TRMT2A: variants seen among roughly 807,000 people sequenced by gnomAD.
TRMT2A encodes the protein tRNA (uracil-5-)-methyltransferase homolog A.
Under a neutral mutation model 59.3 loss-of-function variants are expected in TRMT2A, and 60 were observed. The ratio of observed to expected loss-of-function variants is 1.01; its 90% CI spans 0.82 to 1.26. The LOEUF (loss-of-function observed/expected upper bound fraction) is 1.26, where lower values mean the gene tolerates loss of function less well. Among genes scored for constraint, TRMT2A ranks in the 50% most tolerant of loss-of-function variants. TRMT2A has a pLI of 0.00. For synonymous variants in TRMT2A, 403 were observed against 353.7 expected, an observed-to-expected ratio of 1.14 and a Z score of -1.56; for missense variants, 863 against 845.2, an observed-to-expected ratio of 1.02 and a Z score of -0.26.
intron 1 of TRMT2A, 27 bp from the exon 2 acceptor site, chr22:20,116,639 G>T: frequency 1.3e-6 from 2 of 1,522,044 alleles, no homozygotes; most frequent in Non-Finnish European, 8.8e-7. Context: ...GGGGTGCTAG[G>T]GTGAGGACTA....
intron 7 of TRMT2A, among the ~76,000 whole-genome samples, chr22:20,114,038 C>T (rs537718964): frequency 1.3e-5 from 2 of 152,340 alleles, no homozygotes; most frequent in East Asian, 3.9e-4. Context: ...TCCTCCTTGC[C>T]CCACTTGGTT....
intron 2 of TRMT2A, 103 bp from the exon 3 acceptor site, chr22:20,115,883 CATT>C: frequency 8.6e-6 from 12 of 1,394,932 alleles, no homozygotes; most frequent in Non-Finnish European, 1.2e-5. Flanking sequence ...TTTGGGATGT[CATT>C]GTGCCCACTG....
In TRMT2A at chr22:20,113,208, C is replaced by T. The variant is rs368918264; in HGVS notation, c.1459G>A (p.Gly487Arg). Residue 487 changes from glycine to arginine, a missense_variant, in exon 10 of 12, where the codon GGG becomes AGG. Coordinates refer to ENST00000252136, the MANE Select transcript of TRMT2A (RefSeq NM_022727.6). ...GTGGGCACCAGGTCCTCGGCCCTCC[C>T]GCAGTGGAACTCCACATTACTCAAC... ...NELSNVEFHC[G>R]RAEDLVPTLV... The T allele has an allele frequency of 1.1e-5, 18 of 1,575,290 alleles. No homozygotes were observed. The highest frequency in any genetic ancestry group is 2.2e-5 in the East Asian group (1 of 44,606).
intron 7 of TRMT2A, 46 bp downstream of exon 7, chr22:20,114,528 G>A: frequency 6.7e-7 from 1 of 1,495,378 alleles, no homozygotes; most frequent in Non-Finnish European, 9.3e-7. Flanking sequence ...TGGTGCGTCA[G>A]GCCTCCCTCA....
chr22:20,112,367 G>T lies in TRMT2A; in HGVS notation c.*196C>A. On this transcript the variant is annotated 3_prime_UTR_variant, in exon 12 of 12. Transcript: ENST00000252136. ...TAGTCCACAAAGGCCCTGGGGATGG[G>T]CAACAGGCTACAGGAACCCACCTGT... 1.5e-6 allele frequency: 1 copy of T among 671,492 alleles called. No homozygotes were observed. The highest frequency in any genetic ancestry group is 2.5e-6 in the Non-Finnish European group (1 of 399,520). 41.6% of individuals were successfully genotyped at this position (671,492 alleles called of 1,614,324 possible).
Position 20,112,104 on chromosome 22 carries a change from C to T in TRMT2A, c.*459G>A. ...AGTGTTCTCCACCCCATGCCCCCAG[C>T]TGGTGCAGTTCCCAGACCTCTCTCT... On this transcript the variant is annotated 3_prime_UTR_variant, in exon 12 of 12. Transcript: ENST00000252136. 6.0e-6 allele frequency: 1 copy of T among 165,692 alleles called. No individual in the cohort carries two copies. The highest frequency in any genetic ancestry group is 6.1e-5 in the Admixed American group (1 of 16,384). 10.3% of individuals were successfully genotyped at this position (165,692 alleles called of 1,614,324 possible).
rs887535053 is a variant in TRMT2A, at chr22:20,116,922, C to T, written c.-16G>A. The T allele has an allele frequency of 1.1e-5, 17 of 1,590,626 alleles. No individual in the cohort carries two copies. The highest frequency in any genetic ancestry group is 1.7e-5 in the Admixed American group (1 of 57,946). ...TCTCACTCATCGCCCAGGCGGTTCT[C>T]CGCCTAGACCAGGGACGCCATGGGG... On this transcript the variant is annotated 5_prime_UTR_variant, in exon 1 of 12. Transcript: ENST00000252136.
Position 20,112,991 on chromosome 22 carries a change from C to T in TRMT2A, c.1566G>A (p.Leu522=), listed in dbSNP as rs765705066. Residue 522 remains leucine, a synonymous_variant, in exon 11 of 12, where the codon CTG becomes CTA. Coordinates refer to ENST00000252136, the MANE Select transcript of TRMT2A (RefSeq NM_022727.6). ...TGAGGTTCTTAGCTCTCCGGATGGC[C>T]AGGATCACCTTGGAATCTGAGGAGG... ...PRAGLHSKVI[L]AIRRAKNLRR... 3.7e-6 allele frequency: 6 copies of T among 1,613,668 alleles called. No individual in the cohort carries two copies. Among genetic ancestry groups the T allele is most frequent in the Admixed American group, 1.7e-5 (1 of 60,012 alleles).
In TRMT2A at chr22:20,112,753, A is replaced by C; in HGVS notation, c.1688T>G (p.Phe563Cys). The C allele has an allele frequency of 6.2e-7, 1 of 1,613,698 alleles. No individual in the cohort carries two copies. Reference sequence around the variant, plus strand: ...CACTGCCACAGCCTTGACCGGCCGGAAGGGAATGCCCTTCACCCGGTTAGA... The same window carrying C: ...CACTGCCACAGCCTTGACCGGCCGGCAGGGAATGCCCTTCACCCGGTTAGA... ...APSNRVKGIP[F>C]RPVKAVAVDL... Residue 563 changes from phenylalanine (F) to cysteine (C), a missense_variant, in exon 12 of 12, where the codon TTC (phenylalanine) becomes TGC (cysteine). By Grantham distance (205) the Phe-to-Cys change is radical (BLOSUM62 -2). Coordinates refer to ENST00000252136, the MANE Select transcript of TRMT2A (RefSeq NM_022727.6).
rs1602524431 is a variant in TRMT2A at position 20,116,534 on chromosome 22, C to T, written c.103G>A (p.Ala35Thr). Residue 35 changes from alanine (A) to threonine (T), a missense_variant, in exon 2 of 12, where the codon GCC becomes ACC. Physicochemically the swap from Ala to Thr is moderately conservative, Grantham distance 58 (BLOSUM62 0). Coordinates refer to ENST00000252136, the MANE Select transcript of TRMT2A (RefSeq NM_022727.6). ...SCPTVSVPPA[A>T]PAALEEVEKE... ...TCCACCTCCTCCAGGGCTGCCGGGG[C>T]TGCAGGGGGCACCGAGACGGTAGGG... 1 of 1,603,234 alleles carries T rather than the reference C, an allele frequency of 6.2e-7. No homozygotes were observed. The highest frequency in any genetic ancestry group is 8.5e-7 in the Non-Finnish European group (1 of 1,176,680).
Position 20,112,421 on chromosome 22 carries a change from C to G in TRMT2A, c.*142G>C, listed in dbSNP as rs979394001. On this transcript the variant is annotated 3_prime_UTR_variant, in exon 12 of 12. Transcript: ENST00000252136. The stretch of plus-strand genomic sequence containing the variant: ...CCTGGTCAGGGCCCCTGGCCCCTAG[C>G]AGCAGGCCAATCCTGGTGGGGCACA... 7.8e-6 allele frequency: 9 copies of G among 1,152,270 alleles called. No homozygotes were observed. Among genetic ancestry groups the G allele is most frequent in the Non-Finnish European group, 1.1e-5 (9 of 830,220 alleles). The allele number at this position is 1,152,270 out of a possible 1,614,324, so 71.4% of individuals were successfully genotyped here.
chr22:20,113,400 T>TACCCCCCCCCC, intron 9 of TRMT2A, 32 bp downstream of exon 9: 2 of 1,049,436 alleles, frequency 1.9e-6, no homozygotes, highest in Non-Finnish European at 2.9e-6. Flanking sequence ...GCTGCCCCCA[T>TACCCCCCCCCC]CCCCACCCCC....
At chr22:20,116,680 T>C (rs2050033489) in intron 1 of TRMT2A, 68 bp from the exon 2 acceptor site, 1 of 1,494,776 alleles carries the variant, frequency 6.7e-7, no homozygotes, top group African/African-American at 1.4e-5. Context: ...CCAAGCTTCC[T>C]TATGGGACAC....
intron 7 of TRMT2A, among the ~76,000 whole-genome samples, 193 bp downstream of exon 7, chr22:20,114,381 G>A (rs1057513591): frequency 2.0e-4 from 30 of 152,224 alleles, no homozygotes; most frequent in South Asian, 8.3e-4. Flanking sequence ...GGCCACTGCC[G>A]TGTGTACCTC....
chr22:20,117,008 G>T lies in TRMT2A; in HGVS notation c.-102C>A. Reference sequence around the variant, plus strand: ...GGAAGTGGCCTGTCACAAGGGAAGTGCTCAGAGGGGAGGTGCTCACAGAGC... The same window carrying T: ...GGAAGTGGCCTGTCACAAGGGAAGTTCTCAGAGGGGAGGTGCTCACAGAGC... On this transcript the variant is annotated 5_prime_UTR_variant, in exon 1 of 12. Coordinates refer to ENST00000252136, the MANE Select transcript of TRMT2A (RefSeq NM_022727.6). 6.9e-7 allele frequency: 1 copy of T among 1,447,732 alleles called. No homozygotes were observed. The highest frequency in any genetic ancestry group is 9.5e-7 in the Non-Finnish European group (1 of 1,057,522). The allele number at this position is 1,447,732 out of a possible 1,614,324, so 89.7% of individuals were successfully genotyped here.
rs1339499471 is a variant in TRMT2A at position 20,112,621 on chromosome 22, G to T, written c.1820C>A (p.Pro607His). ...GGTGTTATCTGGGGGTCCTGGTGTGGGTTGAGCTGGAGGGCTGTGGGGCCC... is the reference window on the plus strand; with the variant it reads ...GGTGTTATCTGGGGGTCCTGGTGTGTGTTGAGCTGGAGGGCTGTGGGGCCC... ...VLGPHSPPAQPTPGPPDNTLQ... is the reference protein window; with the variant it reads ...VLGPHSPPAQHTPGPPDNTLQ... The change falls in exon 12 of 12, where the codon CCC becomes CAC. Residue 607 changes from proline (P) to histidine (H), a missense_variant. Coordinates refer to ENST00000252136, the MANE Select transcript of TRMT2A (RefSeq NM_022727.6). 2 of 1,614,148 alleles carry T rather than the reference G, an allele frequency of 1.2e-6. No individual in the cohort carries two copies. Among genetic ancestry groups the T allele is most frequent in the East Asian group, 2.2e-5 (1 of 44,886 alleles).
chr22:20,113,670 G>C lies in TRMT2A; in HGVS notation c.1356+16C>G. On this transcript the variant is annotated intron_variant, in intron 8 of 11. Transcript: ENST00000252136. ...GGGTGGGGAGAGGGTGCCCTCAGCA[G>C]GGCAGGAGGGCTCACCCGGGCCAGG... 6.3e-7 allele frequency: 1 copy of C among 1,592,214 alleles called. No individual in the cohort carries two copies. Among genetic ancestry groups the C allele is most frequent in the Non-Finnish European group, 8.6e-7 (1 of 1,168,798 alleles).
chr22:20,115,817 A>G (rs1387276937), intron 2 of TRMT2A, 37 bp from the exon 3 acceptor site: 1 of 1,572,966 alleles, frequency 6.4e-7, no homozygotes, highest in Non-Finnish European at 8.7e-7. Flanking sequence ...GACTCCACCT[A>G]CTGCCCCCGA....
At chr22:20,114,012 C>T (rs1462202447) in intron 7 of TRMT2A, among the ~76,000 whole-genome samples, 2 of 152,218 alleles carry the variant, frequency 1.3e-5, no homozygotes, top group East Asian at 1.9e-4. Context: ...AAGCCAAGCC[C>T]GTGCTAAGCA....
Sources: gnomAD v4.1 joint callset for allele counts (sites outside exome capture counted in the v4.1 genomes callset) on GRCh38, gnomAD v4.1.1 for gene constraint, MANE v1.5 for transcripts, NCBI Gene and HGNC (gene_info 2026-07-23, HGNC 2026-07-21) for gene names.